CNTNAP2: variants seen among roughly 807,000 people sequenced by gnomAD.
CNTNAP2 encodes contactin associated protein 2.
Under a neutral mutation model 155.2 loss-of-function variants are expected in CNTNAP2, and 98 were observed. The ratio of observed to expected loss-of-function variants is 0.63; its 90% CI spans 0.54 to 0.75. The LOEUF is 0.75. Among genes scored for constraint, CNTNAP2 ranks in the 30% least tolerant of loss-of-function variants. The pLI is 0.00. For missense variants in CNTNAP2, 1,727 were observed against 1,688.1 expected, an observed-to-expected ratio of 1.02 and a Z score of -0.40; for synonymous variants, 651 against 631.2, an observed-to-expected ratio of 1.03 and a Z score of -0.47.
chr7:147,527,918 A>G (rs1287270955), intron 11 of CNTNAP2, among the ~76,000 whole-genome samples: 2 of 152,222 alleles, frequency 1.3e-5, no homozygotes, highest in Non-Finnish European at 2.9e-5. Flanking sequence ...GGAGGAAAGC[A>G]AACAAACAAA....
intron 1 of CNTNAP2, among the ~76,000 whole-genome samples, chr7:146,212,251 T>C (rs1799045763): frequency 6.6e-6 from 1 of 152,174 alleles, no homozygotes; most frequent in African/African-American, 2.4e-5. Context: ...GTACATTATT[T>C]TGAAGCCCCT....
chr7:147,903,736 G>A lies in CNTNAP2; in HGVS notation c.2255+15G>A. Reference sequence around the variant, plus strand: ...TACAAGCAATGGTGAGTGCCTGCGGGCAGCACAGCCAGGCTCACCCTCCCA... The same window carrying A: ...TACAAGCAATGGTGAGTGCCTGCGGACAGCACAGCCAGGCTCACCCTCCCA... On this transcript the variant is annotated intron_variant, in intron 14 of 23. Transcript: ENST00000361727. 6.2e-7 allele frequency: 1 copy of A among 1,612,728 alleles called. No individual in the cohort carries two copies. The highest frequency in any genetic ancestry group is 8.5e-7 in the Non-Finnish European group (1 of 1,179,490).
chr7:148,323,609 G>A (rs745332181), intron 21 of CNTNAP2, among the ~76,000 whole-genome samples: 6 of 151,864 alleles, frequency 4.0e-5, no homozygotes, highest in South Asian at 2.1e-4. Flanking sequence ...ATCTAACTCC[G>A]TTGGACAGCT....
intron 3 of CNTNAP2, among the ~76,000 whole-genome samples, chr7:146,929,965 G>C (rs1172232500): frequency 2.6e-5 from 4 of 152,184 alleles, no homozygotes; most frequent in Non-Finnish European, 5.9e-5. Flanking sequence ...ACGTCTGACT[G>C]GTGTACCTGA....
At position 146,611,263 on chromosome 7, in the gene CNTNAP2, TA is replaced by T. The variant is rs768061341; in HGVS notation, c.98-163007del. Among the ~76,000 whole-genome samples, 163 of 152,182 alleles carry T rather than the reference TA, an allele frequency of 1.1e-3. 2 individuals are homozygous for T. The highest frequency in any genetic ancestry group is 1.9e-4 in the Non-Finnish European group (13 of 68,032). On this transcript the variant is annotated intron_variant, in intron 1 of 23. Coordinates refer to ENST00000361727, the MANE Select transcript of CNTNAP2 (RefSeq NM_014141.6). The stretch of plus-strand genomic sequence containing the variant: ...CATTAGGCCCAGCTAATTTTTGCTT[TA>T]TTTTTTTGTCGATACAGAGTCTCAC...
At chr7:147,695,522 C>T (rs984344520) in intron 13 of CNTNAP2, among the ~76,000 whole-genome samples, 9 of 152,074 alleles carry the variant, frequency 5.9e-5, no homozygotes, top group East Asian at 1.9e-4. Flanking sequence ...ACATTCTGGC[C>T]GGCACCGTGG....
chr7:148,229,411 G>C (rs1795918694), intron 19 of CNTNAP2, among the ~76,000 whole-genome samples: 1 of 152,156 alleles, frequency 6.6e-6, no homozygotes, highest in Non-Finnish European at 1.5e-5. Flanking sequence ...TGTAATGCCA[G>C]CTACTCAGGA....
intron 1 of CNTNAP2, among the ~76,000 whole-genome samples, chr7:146,612,551 G>T (rs1015607327): frequency 6.6e-6 from 1 of 152,096 alleles, no homozygotes; most frequent in Admixed American, 6.5e-5. Flanking sequence ...GACCTTATTT[G>T]CTTATTTTAA....
At chr7:148,370,319 G>A (rs1206175369) in intron 21 of CNTNAP2, among the ~76,000 whole-genome samples, 1 of 152,088 alleles carries the variant, frequency 6.6e-6, no homozygotes, top group East Asian at 1.9e-4. Flanking sequence ...TCCCAGATAG[G>A]GAGCTCTGGT....
chr7:147,090,274 T>C (rs17133801), intron 4 of CNTNAP2, among the ~76,000 whole-genome samples: 27,338 of 151,936 alleles, frequency 0.18, 6,666 homozygotes, highest in African/African-American at 0.56. Flanking sequence ...CCAGCTACTG[T>C]GAACCAGATC....
intron 15 of CNTNAP2, among the ~76,000 whole-genome samples, chr7:148,011,947 G>A (rs1350927901): frequency 6.6e-6 from 1 of 152,182 alleles, no homozygotes. Flanking sequence ...CCCACCACAG[G>A]GGAGCCCAGG....
At chr7:147,580,788 G>A (rs1300438658) in intron 12 of CNTNAP2, among the ~76,000 whole-genome samples, 1 of 152,068 alleles carries the variant, frequency 6.6e-6, no homozygotes, top group Non-Finnish European at 1.5e-5. Context: ...GCTAATTTTT[G>A]TATTTTTAGC....
chr7:148,126,819 G>A (rs749032564), intron 16 of CNTNAP2, among the ~76,000 whole-genome samples: 11 of 152,158 alleles, frequency 7.2e-5, no homozygotes, highest in Admixed American at 1.3e-4. Context: ...GAAGAAGTAC[G>A]GAGAAGGGAA....
At chr7:146,985,133 G>A (rs1798091793) in intron 3 of CNTNAP2, among the ~76,000 whole-genome samples, 1 of 152,032 alleles carries the variant, frequency 6.6e-6, no homozygotes, top group African/African-American at 2.4e-5. Flanking sequence ...TAAAAGCAGT[G>A]ATGAAAAGAG....
At chr7:148,254,882 C>T (rs991915532) in intron 20 of CNTNAP2, among the ~76,000 whole-genome samples, 1 of 150,138 alleles carries the variant, frequency 6.7e-6, no homozygotes, top group African/African-American at 2.4e-5. Context: ...TTATTGTTTT[C>T]TTCCTCCCTT....
intron 13 of CNTNAP2, among the ~76,000 whole-genome samples, chr7:147,706,241 T>G (rs1037180066): frequency 1.3e-5 from 2 of 151,642 alleles, no homozygotes; most frequent in Admixed American, 6.6e-5. Flanking sequence ...TATCCTTTCA[T>G]GTGGTTTTTA....
At chr7:147,214,965 G>A (rs62481848) in intron 8 of CNTNAP2, among the ~76,000 whole-genome samples, 21 of 152,162 alleles carry the variant, frequency 1.4e-4, no homozygotes, top group Non-Finnish European at 2.5e-4. Context: ...CAGAGAGAGC[G>A]AGCAAAGAAG....
intron 1 of CNTNAP2, among the ~76,000 whole-genome samples, chr7:146,577,447 A>C (rs886936435): frequency 6.6e-6 from 1 of 152,158 alleles, no homozygotes; most frequent in African/African-American, 2.4e-5. Flanking sequence ...ACTGTAGAAC[A>C]AAATAGTGGT....
intron 1 of CNTNAP2, among the ~76,000 whole-genome samples, chr7:146,427,842 A>G (rs747561971): frequency 1.7e-4 from 26 of 152,142 alleles, no homozygotes; most frequent in Non-Finnish European, 3.2e-4. Flanking sequence ...TCATTCCATC[A>G]CCAAGTATTA....
Sources: gnomAD v4.1 joint callset for allele counts (sites outside exome capture counted in the v4.1 genomes callset) on GRCh38, gnomAD v4.1.1 for gene constraint, MANE v1.5 for transcripts, NCBI Gene and HGNC (gene_info 2026-07-23, HGNC 2026-07-21) for gene names.